Variants in ESRRG observed in about 807,000 individuals in gnomAD.
ESRRG encodes estrogen related receptor gamma.
In ESRRG, 13 loss-of-function variants were observed where a neutral mutation model predicts 44.0. The observed-to-expected ratio is 0.30, with a 90% CI of 0.19 to 0.47. The LOEUF (loss-of-function observed/expected upper bound fraction) is 0.47, where lower values mean the gene tolerates loss of function less well. Among genes scored for constraint, ESRRG ranks in the 20% least tolerant of loss-of-function variants. The probability of loss-of-function intolerance (pLI) is 1.00; values close to 1 mark genes in which losing one functional copy is unlikely to be tolerated. For missense variants in ESRRG, 395 were observed against 580.6 expected, an observed-to-expected ratio of 0.68 and a Z score of 3.29; for synonymous variants, 215 against 214.6, an observed-to-expected ratio of 1.00 and a Z score of -0.02.
At chr1:216,808,397 G>C (rs1363274298) in intron 2 of ESRRG, among the ~76,000 whole-genome samples, 1 of 152,076 alleles carries the variant, frequency 6.6e-6, no homozygotes, top group Non-Finnish European at 1.5e-5. Flanking sequence ...CTCAATGAGA[G>C]AGCATCAATG....
chr1:217,023,521 G>A (rs1432282915), intron 1 of ESRRG, among the ~76,000 whole-genome samples: 2 of 152,076 alleles, frequency 1.3e-5, no homozygotes, highest in Non-Finnish European at 2.9e-5. Context: ...AGTGAGGGTG[G>A]GTTTTTGTCA....
intron 2 of ESRRG, among the ~76,000 whole-genome samples, chr1:216,868,589 T>A (rs2096211053): frequency 6.6e-6 from 1 of 152,128 alleles, no homozygotes; most frequent in Admixed American, 6.5e-5. Flanking sequence ...TATCCACGAG[T>A]GGGATTTCTG....
At chr1:216,869,904 A>G (rs1278945390) in intron 2 of ESRRG, among the ~76,000 whole-genome samples, 3 of 151,998 alleles carry the variant, frequency 2.0e-5, no homozygotes, top group African/African-American at 7.2e-5. Flanking sequence ...TTGTAACCTG[A>G]AAAGTTGCTA....
intron 1 of ESRRG, among the ~76,000 whole-genome samples, chr1:216,701,104 AC>A (rs1216681011): frequency 1.4e-4 from 20 of 145,466 alleles, no homozygotes; most frequent in Non-Finnish European, 4.5e-5. Context: ...GCTATTAACA[AC>A]CCCATTATTA....
intron 1 of ESRRG, among the ~76,000 whole-genome samples, chr1:217,041,470 T>C (rs529161055): frequency 1.2e-4 from 18 of 152,092 alleles, no homozygotes; most frequent in Middle Eastern, 3.4e-3. Flanking sequence ...CATAGTTTTT[T>C]AAAAAAAATA....
rs565830285 is a variant in ESRRG, at chr1:216,797,036, C to T, written c.-13-119545G>A. ...CCTCCCGAGTAGCTGGGATTACAGG[C>T]GTGTGCTGTCACACCTGGCTAATTT... On this transcript the variant is annotated intron_variant, in intron 2 of 7. Transcript: ENST00000359162. Among the ~76,000 whole-genome samples the T allele has an allele frequency of 1.5e-3, 228 of 152,038 alleles. 1 individual carries two copies. The highest frequency in any genetic ancestry group is 5.2e-3 in the African/African-American group (216 of 41,476).
At chr1:217,040,143 C>A (rs1249906070) in intron 1 of ESRRG, among the ~76,000 whole-genome samples, 1 of 152,152 alleles carries the variant, frequency 6.6e-6, no homozygotes, top group Non-Finnish European at 1.5e-5. Flanking sequence ...GTTCTTAAAT[C>A]TTCTGGTTCA....
At chr1:216,715,347 A>G (rs1254341688) in intron 1 of ESRRG, 4 of 516,008 alleles carry the variant, frequency 7.8e-6, no homozygotes, top group African/African-American at 6.3e-5. Context: ...CTCACCAACC[A>G]TATACATCTT....
intron 5 of ESRRG, among the ~76,000 whole-genome samples, chr1:216,547,996 A>G (rs149489526): frequency 0.012 from 1,769 of 152,196 alleles, 17 homozygotes; most frequent in Non-Finnish European, 0.014. Flanking sequence ...AATTGCTGCT[A>G]TATATGGGGT....
rs775830011 is a variant in ESRRG, at chr1:216,677,280, T to C, written c.268A>G (p.Ile90Val). ...DSPPLYPSAP[I>V]LGGSGPVRKL... is the part of the protein sequence containing the mutation. ...CTGACAGGCCCACTACCTCCCAGGATAGGAGCAGAAGGGTAGAGAGGTGGC... is the reference window on the plus strand; with the variant it reads ...CTGACAGGCCCACTACCTCCCAGGACAGGAGCAGAAGGGTAGAGAGGTGGC... The change falls in exon 2 of 7, where the codon ATC (isoleucine) becomes GTC (valine). Residue 90 changes from isoleucine to valine, a missense_variant. By Grantham distance (29) the Ile-to-Val change is conservative (BLOSUM62 3). Around this residue, in one of 5 missense-constraint regions of ESRRG, gnomAD observed 148 missense variants for 150.4 expected, o/e 0.98. Coordinates refer to ENST00000408911, the MANE Select transcript of ESRRG (RefSeq NM_001438.4). The C allele has an allele frequency of 3.1e-6, 5 of 1,614,054 alleles. No individual in the cohort carries two copies. Among genetic ancestry groups the C allele is most frequent in the Non-Finnish European group, 4.2e-6 (5 of 1,180,000 alleles).
intron 2 of ESRRG, among the ~76,000 whole-genome samples, chr1:216,814,354 T>C (rs1271931795): frequency 6.6e-6 from 1 of 152,204 alleles, no homozygotes; most frequent in Non-Finnish European, 1.5e-5. Context: ...ACGATGGTTA[T>C]ATAAACAGTT....
intron 2 of ESRRG, among the ~76,000 whole-genome samples, chr1:216,764,461 G>T (rs2092967521): frequency 6.6e-6 from 1 of 151,926 alleles, no homozygotes. Flanking sequence ...TAGAGATGGG[G>T]TTTCACCATG....
chr1:217,058,528 G>T (rs568286146), intron 1 of ESRRG, among the ~76,000 whole-genome samples: 1 of 152,200 alleles, frequency 6.6e-6, no homozygotes, highest in East Asian at 1.9e-4. Flanking sequence ...CTAACAGAGA[G>T]CAGAGTATCT....
At chr1:216,925,901 C>T (rs2149767018) in intron 2 of ESRRG, among the ~76,000 whole-genome samples, 1 of 151,790 alleles carries the variant, frequency 6.6e-6, no homozygotes, top group East Asian at 2.0e-4. Flanking sequence ...AGTGAGCCAA[C>T]ATCGCACCAT....
chr1:217,038,979 T>C (rs967483088), intron 1 of ESRRG, among the ~76,000 whole-genome samples: 3 of 152,184 alleles, frequency 2.0e-5, no homozygotes, highest in African/African-American at 7.2e-5. Context: ...CTAAATGATC[T>C]CTCTCAAGTT....
intron 1 of ESRRG, among the ~76,000 whole-genome samples, chr1:217,108,768 C>T (rs1469630623): frequency 6.6e-6 from 1 of 152,006 alleles, no homozygotes; most frequent in Non-Finnish European, 1.5e-5. Flanking sequence ...TAGCCAGCAC[C>T]AGGCTTCCTG....
At position 216,504,428 on chromosome 1, in the gene ESRRG, C is replaced by T. The variant is rs898652333; in HGVS notation, c.*2511G>A. ...AGTTATTGACCATCTGAATGAATTG[C>T]TAATGATGATTTATCTAGAATCACA... is the stretch of plus-strand genomic sequence containing the variant. On this transcript the variant is annotated 3_prime_UTR_variant, in exon 7 of 7. Transcript: ENST00000408911. 2.6e-5 allele frequency: 4 copies of T among 152,518 alleles called. No individual in the cohort carries two copies. The highest frequency in any genetic ancestry group is 6.5e-5 in the Admixed American group (1 of 15,268). 9.4% of individuals were successfully genotyped at this position (152,518 alleles called of 1,614,324 possible). A position where few individuals can be genotyped will look rare whatever the true frequency, so the allele number is the denominator to read the frequency against.
At chr1:217,010,094 A>G (rs1285904665) in intron 1 of ESRRG, among the ~76,000 whole-genome samples, 1 of 152,176 alleles carries the variant, frequency 6.6e-6, no homozygotes, top group Non-Finnish European at 1.5e-5. Flanking sequence ...TTGATGGAGT[A>G]CAATACGAAG....
At position 216,883,334 on chromosome 1, in the gene ESRRG, G is replaced by A. The variant is rs562036189; in HGVS notation, c.-14+56248C>T. ...TGGGAGGCGGAGGTTGCAGTGAGCC[G>A]AGATCTAGCCATTGCACTCCAGCCT... On this transcript the variant is annotated intron_variant, in intron 2 of 7. Transcript: ENST00000359162. 1.1e-3 allele frequency among the ~76,000 whole-genome samples: 153 copies of A among 141,956 alleles called. 1 individual carries two copies. The highest frequency in any genetic ancestry group is 1.7e-3 in the Non-Finnish European group (113 of 65,706). The allele number at this position is 141,956 out of a possible 152,430, so 93.1% of individuals were successfully genotyped here. A position where few individuals can be genotyped will look rare whatever the true frequency, so the allele number is the denominator to read the frequency against.
Sources: gnomAD v4.1 joint callset for allele counts (sites outside exome capture counted in the v4.1 genomes callset) on GRCh38, gnomAD v4.1.1 for gene constraint, gnomAD v4.1.1 regional missense constraint, MANE v1.5 for transcripts, NCBI Gene and HGNC (gene_info 2026-07-23, HGNC 2026-07-21) for gene names.